MEOX2: variants seen among roughly 807,000 people sequenced by gnomAD.
MEOX2 encodes the protein homeobox protein MOX-2.
MEOX2 carries 11 observed loss-of-function variants against 27.0 expected under a neutral mutation model. That is an observed-to-expected ratio of 0.41 (90% CI 0.26 to 0.68). The LOEUF (loss-of-function observed/expected upper bound fraction) is 0.68, where lower values mean the gene tolerates loss of function less well. Ranked by LOEUF, MEOX2 falls within the 30% of genes least tolerant of loss-of-function variation. The probability of loss-of-function intolerance (pLI) is 0.33; values close to 1 mark genes in which losing one functional copy is unlikely to be tolerated. For missense variants in MEOX2, 436 were observed against 385.4 expected, an observed-to-expected ratio of 1.13 and a Z score of -1.10; for synonymous variants, 189 against 155.4, an observed-to-expected ratio of 1.22 and a Z score of -1.61.
chr7:15,638,784 A>C (rs1233316683), intron 1 of MEOX2, among the ~76,000 whole-genome samples: 1 of 152,110 alleles, frequency 6.6e-6, no homozygotes, highest in South Asian at 2.1e-4. Context: ...CTCCAACTCC[A>C]TCTCTACTGC....
At chr7:15,619,747 G>T (rs1031288944) in intron 2 of MEOX2, among the ~76,000 whole-genome samples, 4 of 151,658 alleles carry the variant, frequency 2.6e-5, no homozygotes, top group African/African-American at 9.7e-5. Flanking sequence ...AAAGAAAACA[G>T]ATTATATATT....
At chr7:15,617,385 A>G (rs982361550) in intron 2 of MEOX2, among the ~76,000 whole-genome samples, 1 of 152,076 alleles carries the variant, frequency 6.6e-6, no homozygotes, top group Non-Finnish European at 1.5e-5. Context: ...ATCCCTAGTG[A>G]TTAAATTTGA....
chr7:15,673,646 C>A (rs889053335), intron 1 of MEOX2, among the ~76,000 whole-genome samples: 9 of 108,780 alleles, frequency 8.3e-5, no homozygotes, highest in Admixed American at 7.8e-4. Context: ...GCAAAACCAA[C>A]ATCAACAAAA....
intron 2 of MEOX2, among the ~76,000 whole-genome samples, chr7:15,614,433 G>T (rs1015558977): frequency 6.6e-6 from 1 of 151,236 alleles, no homozygotes; most frequent in Non-Finnish European, 1.5e-5. Flanking sequence ...AAAAAAGTTT[G>T]CCTTTCAAAC....
chr7:15,619,706 C>A (rs1191813287), intron 2 of MEOX2, among the ~76,000 whole-genome samples: 1 of 151,866 alleles, frequency 6.6e-6, no homozygotes, highest in Non-Finnish European at 1.5e-5. Flanking sequence ...ATATGTCTAC[C>A]TATCTACATC....
rs575328229 is a variant in MEOX2, at chr7:15,674,732, C to T, written c.517+11154G>A. ...GACAAGAATGGTCAATGTTAGACTG[C>T]TCCAGAGGTTACACAGTTCATTGTA... On this transcript the variant is annotated intron_variant, in intron 1 of 2. Coordinates refer to ENST00000262041, the MANE Select transcript of MEOX2 (RefSeq NM_005924.5). Among the ~76,000 whole-genome samples, 6 of 152,232 alleles carry T rather than the reference C, an allele frequency of 3.9e-5. No homozygotes were observed. In the South Asian group the frequency reaches 1.0e-3, roughly 26 times the overall value.
At chr7:15,667,998 T>C (rs1448907644) in intron 1 of MEOX2, 2 of 152,178 alleles carry the variant, frequency 1.3e-5, no homozygotes, top group Admixed American at 1.3e-4. Flanking sequence ...TGGAATAACA[T>C]ATTTAAATTT....
chr7:15,658,374 G>GGAGTA (rs1441564716), intron 1 of MEOX2, among the ~76,000 whole-genome samples: 3 of 152,292 alleles, frequency 2.0e-5, no homozygotes, highest in African/African-American at 7.2e-5. Flanking sequence ...GTGTTTGACT[G>GGAGTA]GAGTAGAGGG....
At position 15,653,267 on chromosome 7, in the gene MEOX2, G is replaced by T. The variant is rs78182307; in HGVS notation, c.518-26349C>A. ...TTTAACACTTGTCATGTATTTATTT[G>T]CCATCTTCATATTCTGTTTGATAAA... On this transcript the variant is annotated intron_variant, in intron 1 of 2. Coordinates refer to ENST00000262041, the MANE Select transcript of MEOX2 (RefSeq NM_005924.5). Among the ~76,000 whole-genome samples, 402 of 151,892 alleles carry T rather than the reference G, an allele frequency of 2.6e-3. 1 individual carries two copies. Among genetic ancestry groups the T allele is most frequent in the African/African-American group, 8.5e-3 (352 of 41,494 alleles).
chr7:15,667,598 G>A (rs1307273437), intron 1 of MEOX2, among the ~76,000 whole-genome samples: 1 of 152,042 alleles, frequency 6.6e-6, no homozygotes, highest in Non-Finnish European at 1.5e-5. Flanking sequence ...AACACCTATT[G>A]CATTGGTGTG....
At chr7:15,615,047 A>G (rs998299135) in intron 2 of MEOX2, among the ~76,000 whole-genome samples, 1 of 152,156 alleles carries the variant, frequency 6.6e-6, no homozygotes, top group Non-Finnish European at 1.5e-5. Flanking sequence ...ATAAGAAAAA[A>G]TAGTACAAAA....
chr7:15,666,358 A>G (rs566386995), intron 1 of MEOX2, among the ~76,000 whole-genome samples: 1 of 152,310 alleles, frequency 6.6e-6, no homozygotes, highest in South Asian at 2.1e-4. Flanking sequence ...TTTCACTGTG[A>G]CTTTATCTAA....
intron 2 of MEOX2, among the ~76,000 whole-genome samples, chr7:15,622,933 G>A (rs944182122): frequency 6.6e-6 from 1 of 152,174 alleles, no homozygotes; most frequent in African/African-American, 2.4e-5. Context: ...ATCATATCAA[G>A]GTAGAATGGA....
chr7:15,614,367 TTGCACCAC>T (rs1396257142), intron 2 of MEOX2, among the ~76,000 whole-genome samples: 1 of 152,036 alleles, frequency 6.6e-6, no homozygotes, highest in Non-Finnish European at 1.5e-5. Flanking sequence ...TCAGTGGTTG[TTGCACCAC>T]TGCACTCCAG....
chr7:15,622,202 T>C (rs914973442), intron 2 of MEOX2, among the ~76,000 whole-genome samples: 2 of 152,220 alleles, frequency 1.3e-5, no homozygotes, highest in African/African-American at 4.8e-5. Flanking sequence ...TCTTTTGATG[T>C]AGATAGATAT....
chr7:15,617,918 C>T (rs1781148803), intron 2 of MEOX2, among the ~76,000 whole-genome samples: 1 of 152,038 alleles, frequency 6.6e-6, no homozygotes, highest in Non-Finnish European at 1.5e-5. Flanking sequence ...TACACATTAG[C>T]TATAGACAGC....
At position 15,647,076 on chromosome 7, in the gene MEOX2, A is replaced by G. The variant is rs1257405655; in HGVS notation, c.518-20158T>C. ...TTGCATTTTGTTTGATGCTCATAAG[A>G]CTCATATATTAGAAATATTCCTTAA... On this transcript the variant is annotated intron_variant, in intron 1 of 2. Transcript: ENST00000262041. Among the ~76,000 whole-genome samples, 3 of 151,942 alleles carry G rather than the reference A, an allele frequency of 2.0e-5. No homozygotes were observed. The East Asian group carries it at 5.8e-4, about 29-fold the overall frequency.
At chr7:15,665,041 T>TCTCACACA (rs1554296048) in intron 1 of MEOX2, among the ~76,000 whole-genome samples, 1 of 141,222 alleles carries the variant, frequency 7.1e-6, no homozygotes, top group African/African-American at 2.7e-5. Context: ...TAAGTGGACA[T>TCTCACACA]CACACACACA....
chr7:15,629,411 T>A (rs554028638), intron 1 of MEOX2, among the ~76,000 whole-genome samples: 40 of 152,254 alleles, frequency 2.6e-4, no homozygotes, highest in African/African-American at 8.7e-4. Context: ...TTTAAATCCA[T>A]AAATTATTTA....
Sources: gnomAD v4.1 joint callset for allele counts (sites outside exome capture counted in the v4.1 genomes callset) on GRCh38, gnomAD v4.1.1 for gene constraint, MANE v1.5 for transcripts, NCBI Gene and HGNC (gene_info 2026-07-23, HGNC 2026-07-21) for gene names.